Variants in LHX8 observed in about 807,000 individuals in gnomAD.
The protein encoded by LHX8 is LIM/homeobox protein Lhx8.
In LHX8, 12 loss-of-function variants were observed where a neutral mutation model predicts 40.3. The ratio of observed to expected loss-of-function variants is 0.30; its 90% CI spans 0.19 to 0.48. The LOEUF (loss-of-function observed/expected upper bound fraction) is 0.48, where lower values mean the gene tolerates loss of function less well. LHX8 is among the 20% of genes least tolerant of loss of function. The pLI, the probability that LHX8 is intolerant of heterozygous loss-of-function variation, is 0.99. For missense variants in LHX8, 344 were observed against 433.7 expected (o/e 0.79, Z 1.84); for synonymous variants, 179 against 162.0 (o/e 1.10, Z -0.80).
intron 1 of LHX8, among the ~76,000 whole-genome samples, chr1:75,136,132 T>A (rs187657581): frequency 6.6e-6 from 1 of 152,312 alleles, no homozygotes; most frequent in Admixed American, 6.5e-5. Context: ...GCTCTTTTAA[T>A]TGAGGTTATT....
At chr1:75,165,214 A>C (rs1649006132), downstream of LHX8, among the ~76,000 whole-genome samples, 1 of 152,160 alleles carries the variant, frequency 6.6e-6, no homozygotes, top group Non-Finnish European at 1.5e-5. Context: ...CATACTTTTT[A>C]AATGCGTTTC....
intron 8 of LHX8, chr1:75,160,182 T>C (rs1488233565): frequency 6.6e-6 from 1 of 152,398 alleles, no homozygotes; most frequent in African/African-American, 2.4e-5. Flanking sequence ...TACTTAAGTG[T>C]CTTTCAGATG....
In LHX8 at chr1:75,157,717, T is replaced by C. The variant is rs141111316; in HGVS notation, c.964+641T>C. 2.5e-3 allele frequency among the ~76,000 whole-genome samples: 382 copies of C among 152,346 alleles called. 15 individuals carry two copies. The East Asian group carries it at 0.064, about 25-fold the overall frequency. On this transcript the variant is annotated intron_variant, in intron 8 of 8. Coordinates refer to ENST00000356261, the MANE Select transcript of LHX8 (RefSeq NM_001256114.2). ...TGTCTCACTTCTTTCAATTACATTG[T>C]GAGATTCACCTATATTATTGTGAGA...
At chr1:75,188,582 G>A in the LHX8 span, among the ~76,000 whole-genome samples, 38 of 152,224 alleles carry the variant, frequency 2.5e-4, no homozygotes, top group Non-Finnish European at 4.9e-4. Flanking sequence ...TCCTCCATAC[G>A]TCTTCTTTTG....
At chr1:75,145,122 A>G (rs1570292974) in intron 6 of LHX8, among the ~76,000 whole-genome samples, 1 of 152,270 alleles carries the variant, frequency 6.6e-6, no homozygotes, top group East Asian at 1.9e-4. Flanking sequence ...CATAAAGTAC[A>G]TAGTCAATAA....
intron 6 of LHX8, 99 bp from the exon 7 acceptor site, chr1:75,148,488 A>G (rs1022224619): frequency 8.6e-6 from 7 of 815,704 alleles, no homozygotes; most frequent in Admixed American, 7.4e-5. Context: ...AAAGTATCCC[A>G]TGTTCTTGTG....
upstream of LHX8, chr1:75,132,027 A>G (rs1647988194): frequency 1.3e-5 from 2 of 152,238 alleles, no homozygotes; most frequent in African/African-American, 2.4e-5. Flanking sequence ...CGTTTGGGCT[A>G]AAAACCCTCA....
chr1:75,178,530 A>G, the LHX8 span, among the ~76,000 whole-genome samples: 2 of 151,730 alleles, frequency 1.3e-5, no homozygotes, highest in Non-Finnish European at 2.9e-5. Context: ...CCCCTTTATC[A>G]TTTTTTATTG....
At chr1:75,196,002 T>C in the LHX8 span, among the ~76,000 whole-genome samples, 1 of 152,200 alleles carries the variant, frequency 6.6e-6, no homozygotes, top group East Asian at 1.9e-4. Flanking sequence ...TTCATGGGAC[T>C]TATAGTCTGG....
chr1:75,129,525 C>T (rs142850093), upstream of LHX8, among the ~76,000 whole-genome samples: 12 of 152,158 alleles, frequency 7.9e-5, no homozygotes, highest in African/African-American at 1.7e-4. Flanking sequence ...AAGTTGTGGG[C>T]GGTCGGCGCA....
intron 3 of LHX8, among the ~76,000 whole-genome samples, chr1:75,140,625 A>G (rs1269102410): frequency 1.3e-5 from 2 of 152,224 alleles, no homozygotes; most frequent in African/African-American, 4.8e-5. Flanking sequence ...TTGGTAAAAT[A>G]TAACAAAAAA....
chr1:75,133,641 G>A (rs1648031560), upstream of LHX8, among the ~76,000 whole-genome samples: 1 of 152,038 alleles, frequency 6.6e-6, no homozygotes, highest in Non-Finnish European at 1.5e-5. Context: ...ATACCACAAA[G>A]AGTCTGTTTA....
At chr1:75,181,723 C>T in the LHX8 span, among the ~76,000 whole-genome samples, 2 of 152,172 alleles carry the variant, frequency 1.3e-5, no homozygotes, top group Non-Finnish European at 2.9e-5. Flanking sequence ...CGAGCAGTCC[C>T]AATGAGATGA....
chr1:75,182,307 G>A, the LHX8 span, among the ~76,000 whole-genome samples: 1 of 149,252 alleles, frequency 6.7e-6, no homozygotes, highest in South Asian at 2.1e-4. Flanking sequence ...TCAGTTGGCT[G>A]TAAATATTTA....
chr1:75,172,295 A>T, the LHX8 span, among the ~76,000 whole-genome samples: 1 of 152,182 alleles, frequency 6.6e-6, no homozygotes. Context: ...ACAATTTAGG[A>T]ATTATTTTGC....
the LHX8 span, among the ~76,000 whole-genome samples, chr1:75,176,330 C>T: frequency 6.6e-6 from 1 of 152,146 alleles, no homozygotes; most frequent in Non-Finnish European, 1.5e-5. Context: ...CTCTCCAGCA[C>T]CTATTGTTTC....
the LHX8 span, among the ~76,000 whole-genome samples, chr1:75,175,577 T>C: frequency 6.6e-6 from 1 of 152,228 alleles, no homozygotes; most frequent in Admixed American, 6.5e-5. Context: ...GAATATTTTT[T>C]CCTAAGTTTG....
In LHX8 at chr1:75,160,872, C is replaced by G. The variant is rs954138967; in HGVS notation, c.1018C>G (p.Gln340Glu). The G allele has an allele frequency of 6.2e-7, 1 of 1,612,284 alleles. No homozygotes were observed. The highest frequency in any genetic ancestry group is 1.3e-5 in the African/African-American group (1 of 74,864). Reference sequence around the variant, plus strand: ...GCCCTTGTTACCCCATTCAATGACACAACTGCCAATAAGTCATACCTAATT... The same window carrying G: ...GCCCTTGTTACCCCATTCAATGACAGAACTGCCAATAAGTCATACCTAATT... ...LQPLLPHSMTQLPISHT is the reference protein window; with the variant it reads ...LQPLLPHSMTELPISHT The change falls in exon 9 of 9, where the codon CAA becomes GAA. Residue 340 changes from glutamine (Q) to glutamate (E), a missense_variant. Coordinates refer to ENST00000356261, the MANE Select transcript of LHX8 (RefSeq NM_001256114.2).
chr1:75,133,053 C>T (rs967713012), upstream of LHX8: 1 of 152,302 alleles, frequency 6.6e-6, no homozygotes, highest in East Asian at 1.9e-4. Context: ...CAGTCCACCC[C>T]AATCTTTCAA....
Sources: gnomAD v4.1 joint callset for allele counts (sites outside exome capture counted in the v4.1 genomes callset) on GRCh38, gnomAD v4.1.1 for gene constraint, MANE v1.5 for transcripts, NCBI Gene and HGNC (gene_info 2026-07-23, HGNC 2026-07-21) for gene names.